Variants in AIFM3 observed in about 807,000 individuals in gnomAD.
The protein encoded by AIFM3 is apoptosis-inducing factor 3.
Under a neutral mutation model 82.7 loss-of-function variants are expected in AIFM3, and 71 were observed. The ratio of observed to expected loss-of-function variants is 0.86; its 90% confidence interval spans 0.71 to 1.05. The LOEUF is 1.05. AIFM3 is among the 50% of genes least tolerant of loss of function. The pLI is 0.00. For synonymous variants in AIFM3, 337 were observed against 329.1 expected, an observed-to-expected ratio of 1.02 and a Z score of -0.26; for missense variants, 748 against 816.7, an observed-to-expected ratio of 0.92 and a Z score of 1.03.
intron 18 of AIFM3, 128 bp from the exon 19 acceptor site, chr22:20,979,892 G>C: frequency 9.0e-7 from 1 of 1,116,984 alleles, no homozygotes; most frequent in South Asian, 1.5e-5. Context: ...AGGGCTGGGT[G>C]CTCAGGCCAT....
At chr22:20,965,389 C>T (rs543236548), upstream of AIFM3, 1 of 152,258 alleles carries the variant, frequency 6.6e-6, no homozygotes, top group Non-Finnish European at 1.5e-5. Flanking sequence ...CCGAAGCTCA[C>T]CTCGTCCTTC....
chr22:20,974,854 G>A (rs1271558492), intron 8 of AIFM3, 38 bp downstream of exon 8: 1 of 1,602,220 alleles, frequency 6.2e-7, no homozygotes, highest in African/African-American at 1.3e-5. Flanking sequence ...CTATCCCTCT[G>A]GGTCCCAGTT....
At position 20,979,733 on chromosome 22, in the gene AIFM3, A is replaced by G. The variant is rs372302702; in HGVS notation, c.1652+31A>G. On this transcript the variant is annotated intron_variant, in intron 18 of 20. Coordinates refer to ENST00000440238, the MANE Select transcript of AIFM3 (RefSeq NM_001386814.1). ...AGCACCGGGGTGCAGCTTGGCGCGAAGCAGCGGGAGCTCAGTCGGGAAGGG... is the reference window on the plus strand; with the variant it reads ...AGCACCGGGGTGCAGCTTGGCGCGAGGCAGCGGGAGCTCAGTCGGGAAGGG... The G allele has an allele frequency of 4.3e-6, 7 of 1,612,720 alleles. No individual in the cohort carries two copies. In the African/African-American group the frequency reaches 6.7e-5, roughly 15 times the overall value.
chr22:20,976,179 T>A (rs376685162), intron 9 of AIFM3, 36 bp from the exon 10 acceptor site: 22 of 1,416,720 alleles, frequency 1.6e-5, no homozygotes, highest in Non-Finnish European at 2.0e-5. Context: ...CCCAGCCCCA[T>A]GCCCAAGCTC....
At position 20,973,818 on chromosome 22, in the gene AIFM3, C is replaced by T; in HGVS notation, c.306C>T (p.Phe102=). ...TGCTGGTGAAGGACAATGGGGAGTTCCACGCCCTGGGCCATAAGTGTCCGC... is the reference window on the plus strand; with the variant it reads ...TGCTGGTGAAGGACAATGGGGAGTTTCACGCCCTGGGCCATAAGTGTCCGC... ...KVLLVKDNGE[F]HALGHKCPHY... The change falls in exon 4 of 21, where the codon TTC becomes TTT. Residue 102 remains phenylalanine (F), a synonymous_variant. Transcript: ENST00000440238. 1 of 1,581,994 alleles carries T rather than the reference C, an allele frequency of 6.3e-7. No homozygotes were observed. The highest frequency in any genetic ancestry group is 1.2e-5 in the South Asian group (1 of 85,738).
In AIFM3 at chr22:20,977,700, G is replaced by A. The variant is rs957890741; in HGVS notation, c.1283G>A (p.Gly428Asp). 6.2e-7 allele frequency: 1 copy of A among 1,614,078 alleles called. No homozygotes were observed. Among genetic ancestry groups the A allele is most frequent in the Non-Finnish European group, 8.5e-7 (1 of 1,180,006 alleles). Residue 428 changes from glycine (G) to aspartate (D), a missense_variant and splice_region_variant, in exon 15 of 21, where the codon GGT (glycine) becomes GAT (aspartate). Physicochemically the swap from Gly to Asp is moderately conservative, Grantham distance 94. Around this residue, in one of 5 missense-constraint regions of AIFM3, gnomAD observed 393 missense variants for 481.1 expected, o/e 0.82. Coordinates refer to ENST00000440238, the MANE Select transcript of AIFM3 (RefSeq NM_001386814.1). ...TGGACACAGGCTTCCGTCCTGTCAG[G>A]TGCAGTGCCCGCCACAGGCTTCCTG... is the stretch of plus-strand genomic sequence containing the variant. The part of the protein sequence containing the change: ...VRADVCVVGI[G>D]AVPATGFLRQ...
rs1923398264 is a variant in AIFM3 at position 20,973,399 on chromosome 22, G to A, written c.124G>A (p.Gly42Ser). 1.9e-6 allele frequency: 3 copies of A among 1,611,790 alleles called. No homozygotes were observed. Among genetic ancestry groups the A allele is most frequent in the Non-Finnish European group, 1.7e-6 (2 of 1,179,726 alleles). Residue 42 changes from glycine to serine, a missense_variant, in exon 3 of 21, where the codon GGC (glycine) becomes AGC (serine). This residue lies in a region of AIFM3 where 148 missense variants were observed against 134.1 expected (regional missense o/e 1.10). Coordinates refer to ENST00000440238, the MANE Select transcript of AIFM3 (RefSeq NM_001386814.1). ...SGKGSPRAYQ[G>S]NGTARHFHTE... Reference sequence around the variant, plus strand: ...GAAGGGCAGCCCCCGGGCCTACCAGGGCAATGGCACGGCCCGCCACTTCCA... The same window carrying A: ...GAAGGGCAGCCCCCGGGCCTACCAGAGCAATGGCACGGCCCGCCACTTCCA...
intron 16 of AIFM3, 151 bp downstream of exon 16, chr22:20,978,156 C>T (rs1488637964): frequency 1.8e-5 from 13 of 731,180 alleles, no homozygotes; most frequent in South Asian, 3.4e-5. Context: ...CTCATCTCGG[C>T]GATCCAGCCA....
intron 20 of AIFM3, 98 bp from the exon 21 acceptor site, chr22:20,980,894 C>G (rs1351337272): frequency 1.2e-6 from 2 of 1,608,104 alleles, no homozygotes; most frequent in African/African-American, 2.7e-5. Flanking sequence ...TGGCACAGAA[C>G]AGACCCCCTG....
chr22:20,981,108 T>C lies in AIFM3; in HGVS notation c.*77T>C. 6.3e-7 allele frequency: 1 copy of C among 1,589,826 alleles called. No individual in the cohort carries two copies. Among genetic ancestry groups the C allele is most frequent in the Non-Finnish European group, 8.6e-7 (1 of 1,164,354 alleles). Reference sequence around the variant, plus strand: ...CAAGCCTTGGGGGCAGGTGCCAATCTCCAGTCCCAGGATCCCCCAGGGCAG... The same window carrying C: ...CAAGCCTTGGGGGCAGGTGCCAATCCCCAGTCCCAGGATCCCCCAGGGCAG... On this transcript the variant is annotated 3_prime_UTR_variant, in exon 21 of 21. Transcript: ENST00000440238.
intron 2 of AIFM3, among the ~76,000 whole-genome samples, chr22:20,968,379 T>G (rs2147934140): frequency 6.6e-6 from 1 of 152,228 alleles, no homozygotes; most frequent in East Asian, 1.9e-4. Context: ...GAGCCTCTGT[T>G]TTTCTCTCTG....
In AIFM3 at chr22:20,978,018, C is replaced by G. The variant is rs1208979110; in HGVS notation, c.1477+13C>G. ...GCTCATGCTCAGGGTATGGCCAGTC[C>G]CGAGGCACATGGAGGGGTGGGAGGG... On this transcript the variant is annotated intron_variant, in intron 16 of 20. Transcript: ENST00000440238. The G allele has an allele frequency of 1.2e-6, 2 of 1,613,024 alleles. No individual in the cohort carries two copies. The highest frequency in any genetic ancestry group is 2.2e-5 in the South Asian group (2 of 91,050).
At chr22:20,968,796 G>GCCCCAGCCAGCTCACCCCAGCCAGCTCA (rs563539027) in intron 2 of AIFM3, among the ~76,000 whole-genome samples, 2 of 151,880 alleles carry the variant, frequency 1.3e-5, no homozygotes, top group African/African-American at 4.8e-5. Flanking sequence ...AGGCCACGCT[G>GCCCCAGCCAGCTCACCCCAGCCAGCTCA]CCCCAGCCAG....
In AIFM3 at chr22:20,977,719, C is replaced by T. The variant is rs751604495; in HGVS notation, c.1302C>T (p.Gly434=). 6.2e-7 allele frequency: 1 copy of T among 1,614,194 alleles called. No homozygotes were observed. Among genetic ancestry groups the T allele is most frequent in the Non-Finnish European group, 8.5e-7 (1 of 1,180,028 alleles). Residue 434 remains glycine (G), a synonymous_variant, in exon 15 of 21, where the codon GGC becomes GGT. Transcript: ENST00000440238. ...VVGIGAVPAT[G]FLRQSGIGLD... Reference sequence around the variant, plus strand: ...TGTCAGGTGCAGTGCCCGCCACAGGCTTCCTGAGGCAAAGCGGCATCGGTT... The same window carrying T: ...TGTCAGGTGCAGTGCCCGCCACAGGTTTCCTGAGGCAAAGCGGCATCGGTT...
intron 8 of AIFM3, among the ~76,000 whole-genome samples, chr22:20,975,411 G>A (rs8135143): frequency 0.057 from 8,501 of 149,948 alleles, 803 homozygotes; most frequent in African/African-American, 0.2. Context: ...GACTACAGGC[G>A]CGCACCACCA....
chr22:20,976,248 G>A lies in AIFM3; in HGVS notation c.841G>A (p.Val281Met), dbSNP rs201100852. 63 of 1,614,030 alleles carry A rather than the reference G, an allele frequency of 3.9e-5. No individual in the cohort carries two copies. Among genetic ancestry groups the A allele is most frequent in the African/African-American group, 3.3e-4 (25 of 75,062 alleles). ...AGTGGACGTGAGAACTAAGAAGGTC[G>A]TGTTCAAGGATGGCTTCAAGCTGGA... ...VTVDVRTKKV[V>M]FKDGFKLEYS... Residue 281 changes from valine to methionine, a missense_variant, in exon 10 of 21, where the codon GTG becomes ATG. Physicochemically the swap from Val to Met is conservative, Grantham distance 21. Coordinates refer to ENST00000440238, the MANE Select transcript of AIFM3 (RefSeq NM_001386814.1).
Position 20,969,964 on chromosome 22 carries a change from C to T in AIFM3, c.31+1989C>T, listed in dbSNP as rs140927154. Among the ~76,000 whole-genome samples the T allele has an allele frequency of 7.0e-4, 106 of 152,332 alleles. 1 individual carries two copies. The highest frequency in any genetic ancestry group is 2.4e-3 in the African/African-American group (101 of 41,574). On this transcript the variant is annotated intron_variant, in intron 2 of 20. Transcript: ENST00000440238. ...CCACTCGATTCTGTGGCTCCGTGTGCATCAGCACCTGCTTCCTGGGTTCCC... is the reference window on the plus strand; with the variant it reads ...CCACTCGATTCTGTGGCTCCGTGTGTATCAGCACCTGCTTCCTGGGTTCCC...
chr22:20,968,006 C>T (rs966701047), intron 2 of AIFM3, 31 bp downstream of exon 2: 1 of 1,607,442 alleles, frequency 6.2e-7, no homozygotes, highest in Admixed American at 1.7e-5. Context: ...TCCATCCTTT[C>T]TCCTCCCTCC....
At position 20,981,004 on chromosome 22, in the gene AIFM3, G is replaced by A. The variant is rs1216089903; in HGVS notation, c.1791G>A (p.Met597Ile). 6.2e-7 allele frequency: 1 copy of A among 1,614,234 alleles called. No individual in the cohort carries two copies. The highest frequency in any genetic ancestry group is 1.7e-5 in the Admixed American group (1 of 60,024). The change falls in exon 21 of 21, where the codon ATG (methionine) becomes ATA (isoleucine). Residue 597 changes from methionine (M) to isoleucine (I), a missense_variant. Met to Ile is a conservative substitution (Grantham distance 10, BLOSUM62 1). Coordinates refer to ENST00000440238, the MANE Select transcript of AIFM3 (RefSeq NM_001386814.1). The stretch of plus-strand genomic sequence containing the variant: ...CTCACTCCTGCAGGACTGGCGACAT[G>A]TCCTGGCTTACGGGGAAAGGATCCT... Reference protein sequence around the residue: ...LFVLHSKTGDMSWLTGKGS With the variant: ...LFVLHSKTGDISWLTGKGS
Sources: gnomAD v4.1 joint callset for allele counts (sites outside exome capture counted in the v4.1 genomes callset) on GRCh38, gnomAD v4.1.1 for gene constraint, gnomAD v4.1.1 regional missense constraint, MANE v1.5 for transcripts, NCBI Gene and HGNC (gene_info 2026-07-23, HGNC 2026-07-21) for gene names.